Variants in CAMK1D observed in about 807,000 individuals in gnomAD.
CAMK1D encodes calcium/calmodulin-dependent protein kinase type 1D.
CAMK1D carries 9 observed loss-of-function variants against 47.7 expected under a neutral mutation model. The ratio of observed to expected loss-of-function variants is 0.19; its 90% CI spans 0.11 to 0.33. CAMK1D has a LOEUF of 0.33. Ranked by LOEUF, CAMK1D falls within the 10% of genes least tolerant of loss-of-function variation. The pLI is 1.00. For synonymous variants in CAMK1D, 184 were observed against 184.9 expected (o/e 0.99, Z 0.04); for missense variants, 291 against 488.7 (o/e 0.60, Z 3.81).
intron 10 of CAMK1D, among the ~76,000 whole-genome samples, chr10:12,826,763 G>C (rs1181172446): frequency 6.6e-6 from 1 of 152,190 alleles, no homozygotes; most frequent in African/African-American, 2.4e-5. Flanking sequence ...AAATCTCTGT[G>C]AGTGTCCCCT....
chr10:12,418,940 C>CAGCCGAG (rs1839948950), intron 1 of CAMK1D, among the ~76,000 whole-genome samples: 1 of 152,162 alleles, frequency 6.6e-6, no homozygotes, highest in African/African-American at 2.4e-5. Context: ...TGGAAGGCCT[C>CAGCCGAG]AGTCGCGGGC....
At chr10:12,433,207 C>G (rs1303292335) in intron 1 of CAMK1D, among the ~76,000 whole-genome samples, 1 of 152,192 alleles carries the variant, frequency 6.6e-6, no homozygotes, top group African/African-American at 2.4e-5. Flanking sequence ...TCCCCCATCT[C>G]CCTGCTGAAA....
At chr10:12,560,075 A>C (rs904449383) in intron 2 of CAMK1D, among the ~76,000 whole-genome samples, 5 of 152,132 alleles carry the variant, frequency 3.3e-5, no homozygotes, top group African/African-American at 1.2e-4. Flanking sequence ...AAAGAAAGCA[A>C]CTGCTTTGGG....
At chr10:12,709,138 G>A (rs1343801012) in intron 3 of CAMK1D, among the ~76,000 whole-genome samples, 3 of 152,182 alleles carry the variant, frequency 2.0e-5, no homozygotes, top group Non-Finnish European at 4.4e-5. Flanking sequence ...TGTGGGGGGC[G>A]GGTGAGAACC....
intron 1 of CAMK1D, among the ~76,000 whole-genome samples, chr10:12,510,316 C>T (rs7911557): frequency 0.42 from 63,069 of 151,810 alleles, 13,590 homozygotes; most frequent in South Asian, 0.55. Context: ...CTTGGGAGGC[C>T]GTGGCAGGAG....
chr10:12,788,899 T>G (rs1837852912), intron 5 of CAMK1D, among the ~76,000 whole-genome samples: 1 of 152,190 alleles, frequency 6.6e-6, no homozygotes, highest in Non-Finnish European at 1.5e-5. Flanking sequence ...GATGTATTTA[T>G]TTTGCTCTTG....
intron 2 of CAMK1D, among the ~76,000 whole-genome samples, chr10:12,564,487 G>A (rs149252037): frequency 6.6e-6 from 1 of 152,216 alleles, no homozygotes; most frequent in East Asian, 1.9e-4. Context: ...TGAAGTCCAG[G>A]GCTATCGTTT....
intron 3 of CAMK1D, among the ~76,000 whole-genome samples, chr10:12,756,965 A>T (rs976600746): frequency 1.3e-5 from 2 of 152,184 alleles, no homozygotes; most frequent in African/African-American, 4.8e-5. Context: ...TTCAGTGCAG[A>T]GGCAGGCTGT....
intron 1 of CAMK1D, among the ~76,000 whole-genome samples, chr10:12,351,671 C>T (rs1837359282): frequency 6.6e-6 from 1 of 152,192 alleles, no homozygotes; most frequent in Non-Finnish European, 1.5e-5. Context: ...AGGCTCCAAG[C>T]TGTGGCTCCT....
intron 6 of CAMK1D, among the ~76,000 whole-genome samples, chr10:12,800,506 A>G (rs1053028504): frequency 2.0e-5 from 3 of 152,174 alleles, no homozygotes; most frequent in African/African-American, 7.2e-5. Context: ...TGGTCGCTAC[A>G]TGTGGGCACA....
At chr10:12,469,733 T>C (rs1173036636) in intron 1 of CAMK1D, among the ~76,000 whole-genome samples, 1 of 152,252 alleles carries the variant, frequency 6.6e-6, no homozygotes, top group Non-Finnish European at 1.5e-5. Context: ...GAAAACAATG[T>C]TATATTTTAC....
intron 2 of CAMK1D, among the ~76,000 whole-genome samples, chr10:12,632,239 G>A (rs911318535): frequency 2.0e-5 from 3 of 152,210 alleles, no homozygotes; most frequent in African/African-American, 7.2e-5. Flanking sequence ...ATGAGGGAAG[G>A]GGAGTCAGAG....
chr10:12,482,340 A>C (rs566372888), intron 1 of CAMK1D, among the ~76,000 whole-genome samples: 1 of 152,132 alleles, frequency 6.6e-6, no homozygotes, highest in African/African-American at 2.4e-5. Context: ...CTGGGTGGAG[A>C]TGTAGGGCCA....
At chr10:12,430,510 C>T (rs1036870175) in intron 1 of CAMK1D, among the ~76,000 whole-genome samples, 3 of 152,170 alleles carry the variant, frequency 2.0e-5, no homozygotes, top group South Asian at 2.1e-4. Context: ...ATTAATTACA[C>T]GACTTTTTCC....
At chr10:12,640,967 T>C (rs1349937241) in intron 2 of CAMK1D, among the ~76,000 whole-genome samples, 1 of 152,226 alleles carries the variant, frequency 6.6e-6, no homozygotes, top group Non-Finnish European at 1.5e-5. Context: ...TTTTTTTGTT[T>C]TTTTGTTTTG....
chr10:12,731,727 G>A (rs1381061873), intron 3 of CAMK1D, among the ~76,000 whole-genome samples: 1 of 152,188 alleles, frequency 6.6e-6, no homozygotes, highest in Non-Finnish European at 1.5e-5. Context: ...GATGACAGAT[G>A]GAAAGATGGA....
chr10:12,416,289 T>C (rs527493244), intron 1 of CAMK1D, among the ~76,000 whole-genome samples: 225 of 152,354 alleles, frequency 1.5e-3, no homozygotes, highest in African/African-American at 4.3e-3. Flanking sequence ...GATTTAACTT[T>C]TTATGGAATT....
chr10:12,357,250 C>T (rs1837546095), intron 1 of CAMK1D, among the ~76,000 whole-genome samples: 1 of 152,112 alleles, frequency 6.6e-6, no homozygotes, highest in Non-Finnish European at 1.5e-5. Flanking sequence ...CGGCTCACTG[C>T]AACCTCTGCC....
intron 2 of CAMK1D, among the ~76,000 whole-genome samples, chr10:12,588,811 T>TAC (rs1312024895): frequency 1.5e-5 from 2 of 133,068 alleles, no homozygotes; most frequent in African/African-American, 3.1e-5. Flanking sequence ...CACACACACA[T>TAC]ACACACATGC....
Sources: allele counts gnomAD v4.1 joint callset (sites outside exome capture counted in the v4.1 genomes callset), GRCh38; gene constraint gnomAD v4.1.1; transcripts MANE v1.5; gene names NCBI Gene and HGNC (gene_info 2026-07-23, HGNC 2026-07-21).